NAP1L1: variants seen among roughly 807,000 people sequenced by gnomAD.
NAP1L1 encodes nucleosome assembly protein 1-like 1.
In NAP1L1, 9 loss-of-function variants were observed where a neutral mutation model predicts 58.9. That is an observed-to-expected ratio of 0.15 (90% confidence interval 0.09 to 0.27). The LOEUF (loss-of-function observed/expected upper bound fraction) is 0.27. NAP1L1 is among the 10% of genes least tolerant of loss of function. The pLI is 1.00. For synonymous variants in NAP1L1, 130 were observed against 138.3 expected (o/e 0.94, Z 0.42); for missense variants, 302 against 458.8 (o/e 0.66, Z 3.12).
chr12:76,069,503 C>G (rs1207454328), intron 2 of NAP1L1, among the ~76,000 whole-genome samples: 1 of 152,168 alleles, frequency 6.6e-6, no homozygotes, highest in African/African-American at 2.4e-5. Context: ...TCCCTCTCCC[C>G]CTCCCACTTA....
At chr12:76,049,274 C>A in intron 13 of NAP1L1, 24 bp from the exon 14 acceptor site, 4 of 1,613,138 alleles carry the variant, frequency 2.5e-6, no homozygotes, top group Non-Finnish European at 3.4e-6. Context: ...CAAAATGCAT[C>A]CATGAAGTAT....
chr12:76,077,056 T>C (rs1950207984), intron 1 of NAP1L1, among the ~76,000 whole-genome samples: 1 of 152,212 alleles, frequency 6.6e-6, no homozygotes, highest in Non-Finnish European at 1.5e-5. Context: ...AACCCAGCAA[T>C]TGTCAAAAAC....
intron 6 of NAP1L1, chr12:76,057,966 CAA>C: frequency 1.0e-6 from 1 of 977,522 alleles, no homozygotes; most frequent in Non-Finnish European, 1.7e-6. Context: ...TTAAATCACA[CAA>C]AGATTTTTTG....
intron 4 of NAP1L1, among the ~76,000 whole-genome samples, chr12:76,060,776 AGAG>A (rs1949370396): frequency 1.3e-5 from 2 of 152,338 alleles, no homozygotes; most frequent in East Asian, 3.9e-4. Context: ...CATACTATAA[AGAG>A]GAGACATGTA....
chr12:76,068,839 G>A, intron 3 of NAP1L1, 70 bp downstream of exon 3: 1 of 1,100,338 alleles, frequency 9.1e-7, no homozygotes, highest in Non-Finnish European at 1.4e-6. Context: ...AAATAGACTG[G>A]TACTTATAAC....
At chr12:76,064,949 T>C (rs1188464568) in intron 4 of NAP1L1, among the ~76,000 whole-genome samples, 1 of 152,144 alleles carries the variant, frequency 6.6e-6, no homozygotes, top group Non-Finnish European at 1.5e-5. Flanking sequence ...AGCTGCTCCA[T>C]TCCTTAGGCA....
In NAP1L1 at chr12:76,056,642, T is replaced by G. The variant is rs1275128775; in HGVS notation, c.430-481A>C. ...GGCAAGTCACTTAGAAGCCTCCATG[T>G]CTTCACTTGAAAATGGCAACAATCC... On this transcript the variant is annotated intron_variant, in intron 6 of 14. Transcript: ENST00000618691. 2 of 455,688 alleles carry G rather than the reference T, an allele frequency of 4.4e-6. 1 individual carries two copies. Among genetic ancestry groups the G allele is most frequent in the South Asian group, 3.1e-5 (2 of 64,500 alleles). 28.2% of individuals were successfully genotyped at this position (455,688 alleles called of 1,614,324 possible). A position where few individuals can be genotyped will look rare whatever the true frequency, so the allele number is the denominator to read the frequency against.
chr12:76,046,735 T>TC lies in NAP1L1; in HGVS notation c.*1693dup, dbSNP rs1948616132. 6.6e-6 allele frequency: 1 copy of TC among 152,430 alleles called. No homozygotes were observed. Among genetic ancestry groups the TC allele is most frequent in the Admixed American group, 6.6e-5 (1 of 15,264 alleles). 9.4% of individuals were successfully genotyped at this position (152,430 alleles called of 1,614,324 possible). On this transcript the variant is annotated 3_prime_UTR_variant, in exon 15 of 15. Transcript: ENST00000618691. ...TATTAAGAGCAGGAAATCTAGACCT[T>TC]CCTCTAATGACAATCCAATAATCCA...
chr12:76,078,436 T>A (rs898568423), intron 1 of NAP1L1, among the ~76,000 whole-genome samples: 12 of 152,046 alleles, frequency 7.9e-5, no homozygotes, highest in Non-Finnish European at 1.5e-4. Context: ...CCTTAAAAAA[T>A]TCATACAAGT....
rs1384451983 is a variant in NAP1L1, at chr12:76,047,326, T to C, written c.*1103A>G. 1.3e-5 allele frequency: 2 copies of C among 151,204 alleles called. No individual in the cohort carries two copies. 9.4% of individuals were successfully genotyped at this position (151,204 alleles called of 1,614,324 possible). ...AAGCAATAAGAATTAGAAGAAACCA[T>C]AGAAGCTTGGGGCCTTCTCTCTAGC... On this transcript the variant is annotated 3_prime_UTR_variant, in exon 15 of 15. Coordinates refer to ENST00000618691, the MANE Select transcript of NAP1L1 (RefSeq NM_004537.7).
At chr12:76,075,195 G>A (rs1241006355) in intron 1 of NAP1L1, among the ~76,000 whole-genome samples, 1 of 151,876 alleles carries the variant, frequency 6.6e-6, no homozygotes, top group Non-Finnish European at 1.5e-5. Context: ...ACAGTGGCAC[G>A]AGCCTGTAAT....
chr12:76,056,204 A>T, intron 6 of NAP1L1, 43 bp from the exon 7 acceptor site: 1 of 1,571,470 alleles, frequency 6.4e-7, no homozygotes, highest in Non-Finnish European at 8.6e-7. Flanking sequence ...CATAGATTAG[A>T]CCTCATGATA....
At chr12:76,056,305 T>C in intron 6 of NAP1L1, 144 bp from the exon 7 acceptor site, 2 of 754,516 alleles carry the variant, frequency 2.7e-6, no homozygotes, top group Non-Finnish European at 4.1e-6. Context: ...CCGTTGCCCA[T>C]AACAAACCTT....
At chr12:76,067,551 A>C in intron 3 of NAP1L1, 78 bp from the exon 4 acceptor site, 55 of 1,206,086 alleles carry the variant, frequency 4.6e-5, no homozygotes, top group Non-Finnish European at 5.3e-5. Context: ...ATCCAATCTC[A>C]TGAAGTTTTC....
rs1948954401 is a variant in NAP1L1, at chr12:76,053,924, C to T, written c.631-15G>A. The T allele has an allele frequency of 6.3e-7, 1 of 1,590,954 alleles. No individual in the cohort carries two copies. The highest frequency in any genetic ancestry group is 8.5e-7 in the Non-Finnish European group (1 of 1,173,564). On this transcript the variant is annotated splice_polypyrimidine_tract_variant and intron_variant, in intron 8 of 14. Coordinates refer to ENST00000618691, the MANE Select transcript of NAP1L1 (RefSeq NM_004537.7). ...AAGACAAAACTCTGGGGAGAGGAAG[C>T]ATAAAAATCAGTTAAATACCTACCT...
chr12:76,065,139 C>G (rs1305039577), intron 4 of NAP1L1, among the ~76,000 whole-genome samples: 2 of 151,690 alleles, frequency 1.3e-5, no homozygotes, highest in Admixed American at 6.6e-5. Context: ...TACAGGAATG[C>G]AAGGCTAGTT....
rs1948575847 is a variant in NAP1L1 at position 76,044,096 on chromosome 12, G to A, written c.*4333C>T. 1 of 152,204 alleles carries A rather than the reference G, an allele frequency of 6.6e-6. No individual in the cohort carries two copies. Among genetic ancestry groups the A allele is most frequent in the South Asian group, 2.1e-4 (1 of 4,826 alleles). 9.4% of individuals were successfully genotyped at this position (152,204 alleles called of 1,614,324 possible). A position where few individuals can be genotyped will look rare whatever the true frequency, so the allele number is the denominator to read the frequency against. On this transcript the variant is annotated 3_prime_UTR_variant, in exon 15 of 15. Coordinates refer to ENST00000618691, the MANE Select transcript of NAP1L1 (RefSeq NM_004537.7). ...GTGGGAGGATCACTGGAGGTCAGGA[G>A]GTCGAGACCAGCCTGGCCAACATGG...
intron 8 of NAP1L1, among the ~76,000 whole-genome samples, chr12:76,054,173 G>A (rs1948968707): frequency 6.6e-6 from 1 of 152,142 alleles, no homozygotes; most frequent in Non-Finnish European, 1.5e-5. Context: ...GGGATTATAG[G>A]TGTGTGCCAC....
rs1948658735 is a variant in NAP1L1, at chr12:76,048,082, T to C, written c.*347A>G. 2 of 238,870 alleles carry C rather than the reference T, an allele frequency of 8.4e-6. No individual in the cohort carries two copies. The highest frequency in any genetic ancestry group is 2.3e-5 in the African/African-American group (1 of 44,284). 14.8% of individuals were successfully genotyped at this position (238,870 alleles called of 1,614,324 possible). A position where few individuals can be genotyped will look rare whatever the true frequency, so the allele number is the denominator to read the frequency against. The stretch of plus-strand genomic sequence containing the variant: ...ACAACCAGCTGAAAAAATACTTTGG[T>C]TCTTCAAGGAAAAAATTACAAAAAA... On this transcript the variant is annotated 3_prime_UTR_variant, in exon 15 of 15. Coordinates refer to ENST00000618691, the MANE Select transcript of NAP1L1 (RefSeq NM_004537.7).
Sources: gnomAD v4.1 joint callset for allele counts (sites outside exome capture counted in the v4.1 genomes callset) on GRCh38, gnomAD v4.1.1 for gene constraint, MANE v1.5 for transcripts, NCBI Gene and HGNC (gene_info 2026-07-23, HGNC 2026-07-21) for gene names.